Variants in RO60 observed in about 807,000 individuals in gnomAD.
RO60 encodes the protein Ro60, Y RNA binding protein.
A neutral mutation model predicts 55.3 loss-of-function variants in RO60; 20 were observed. That is an observed-to-expected ratio of 0.36 (90% CI 0.25 to 0.53). The LOEUF is 0.53. RO60 is among the 20% of genes least tolerant of loss of function. RO60 has a pLI of 0.92. For synonymous variants in RO60, 213 were observed against 213.6 expected (o/e 1.00, Z 0.02); for missense variants, 558 against 646.6 (o/e 0.86, Z 1.49).
At chr1:193,080,389 A>ACC (rs1674228333) in intron 5 of RO60, among the ~76,000 whole-genome samples, 1 of 152,216 alleles carries the variant, frequency 6.6e-6, no homozygotes, top group Non-Finnish European at 1.5e-5. Context: ...GAATTACCAT[A>ACC]CCATCCAGCA....
chr1:193,060,881 A>T (rs568524783), intron 1 of RO60, among the ~76,000 whole-genome samples: 17 of 152,290 alleles, frequency 1.1e-4, no homozygotes, highest in African/African-American at 1.7e-4. Context: ...TTGGCATCAG[A>T]GCCCAAAGTA....
In RO60 at chr1:193,069,596, A is replaced by C; in HGVS notation, c.542A>C (p.Asp181Ala). 6.2e-7 allele frequency: 1 copy of C among 1,613,914 alleles called. No homozygotes were observed. Among genetic ancestry groups the C allele is most frequent in the Non-Finnish European group, 8.5e-7 (1 of 1,179,826 alleles). ...CAGAGAAATGGCTGGTCTCACAAAG[A>C]TCTATTAAGATTGTCACATCTTAAA... ...YKQRNGWSHK[D>A]LLRLSHLKPS... The change falls in exon 2 of 9, where the codon GAT (aspartate) becomes GCT (alanine). Residue 181 changes from aspartate (D) to alanine (A), a missense_variant. Transcript: ENST00000400968.
intron 6 of RO60, 94 bp from the exon 7 acceptor site, chr1:193,082,092 A>G (rs1308793056): frequency 3.8e-6 from 3 of 787,750 alleles, no homozygotes; most frequent in Non-Finnish European, 6.7e-6. Flanking sequence ...AGAAATAAAC[A>G]TCAGTGTTTC....
intron 2 of RO60, among the ~76,000 whole-genome samples, chr1:193,071,404 G>C (rs1276695994): frequency 6.6e-6 from 1 of 152,072 alleles, no homozygotes; most frequent in Non-Finnish European, 1.5e-5. Context: ...GTATATTATT[G>C]CTATTGCTAT....
In RO60 at chr1:193,087,813, A is replaced by C. The variant is rs1674681448; in HGVS notation, c.*3082A>C. On this transcript the variant is annotated 3_prime_UTR_variant, in exon 9 of 9. Coordinates refer to ENST00000400968, the MANE Select transcript of RO60 (RefSeq NM_001173524.2). The stretch of plus-strand genomic sequence containing the variant: ...CGTATTTCAAAAGATAAAATGTTTT[A>C]GAAAAATAGCTCACTCAATAGGCCT... 1 of 152,048 alleles carries C rather than the reference A, an allele frequency of 6.6e-6. No individual in the cohort carries two copies. Among genetic ancestry groups the C allele is most frequent in the African/African-American group, 2.4e-5 (1 of 41,394 alleles). The allele number at this position is 152,048 out of a possible 1,614,324, so 9.4% of individuals were successfully genotyped here. A position where few individuals can be genotyped will look rare whatever the true frequency, so the allele number is the denominator to read the frequency against.
chr1:193,071,938 CTTAG>C (rs1287455752), intron 2 of RO60, among the ~76,000 whole-genome samples: 1 of 151,146 alleles, frequency 6.6e-6, no homozygotes, highest in African/African-American at 2.4e-5. Flanking sequence ...CTTTTGTCCA[CTTAG>C]TTACTGTCTT....
chr1:193,084,281 C>G (rs1004745423), intron 8 of RO60, among the ~76,000 whole-genome samples: 2 of 152,184 alleles, frequency 1.3e-5, no homozygotes, highest in Non-Finnish European at 2.9e-5. Context: ...CCCTTAATAA[C>G]CTGACAGGTT....
rs1261428976 is a variant in RO60, at chr1:193,081,394, C to A, written c.1117C>A (p.Leu373Ile). ...TGAACCAACTGGAAAACGTTTCTTACTAGCTGTTGATGTCAGTGCTTCTAT... is the reference window on the plus strand; with the variant it reads ...TGAACCAACTGGAAAACGTTTCTTAATAGCTGTTGATGTCAGTGCTTCTAT... ...TVEPTGKRFL[L>I]AVDVSASMNQ... Residue 373 changes from leucine to isoleucine, a missense_variant, in exon 6 of 9, where the codon CTA becomes ATA. Physicochemically the swap from Leu to Ile is conservative, Grantham distance 5 (BLOSUM62 2). Transcript: ENST00000400968. 8 of 1,607,468 alleles carry A rather than the reference C, an allele frequency of 5.0e-6. No individual in the cohort carries two copies. The highest frequency in any genetic ancestry group is 2.2e-5 in the South Asian group (2 of 90,112).
In RO60 at chr1:193,088,799, G is replaced by A. The variant is rs1023603925; in HGVS notation, c.*4068G>A. 5.3e-5 allele frequency: 8 copies of A among 152,166 alleles called. No individual in the cohort carries two copies. The highest frequency in any genetic ancestry group is 1.4e-4 in the African/African-American group (6 of 41,524). The allele number at this position is 152,166 out of a possible 1,614,324, so 9.4% of individuals were successfully genotyped here. Reference sequence around the variant, plus strand: ...ATGAAATTAGTTGTATTTACTGTTTGGATTTTATTTAGTGTTTCCTTGATG... The same window carrying A: ...ATGAAATTAGTTGTATTTACTGTTTAGATTTTATTTAGTGTTTCCTTGATG... On this transcript the variant is annotated 3_prime_UTR_variant, in exon 9 of 9. Transcript: ENST00000400968.
chr1:193,072,430 TTGTC>T (rs1030709985), intron 2 of RO60, among the ~76,000 whole-genome samples: 4 of 151,818 alleles, frequency 2.6e-5, no homozygotes, highest in South Asian at 2.1e-4. Flanking sequence ...TTTTTTTTCT[TTGTC>T]TTTTTTTTTT....
At chr1:193,062,210 T>C (rs1672829176) in intron 1 of RO60, among the ~76,000 whole-genome samples, 1 of 152,196 alleles carries the variant, frequency 6.6e-6, no homozygotes, top group African/African-American at 2.4e-5. Context: ...GATGACCAGG[T>C]TCTGACCTCA....
At position 193,075,847 on chromosome 1, in the gene RO60, C is replaced by A. The variant is rs1325491989; in HGVS notation, c.608C>A (p.Thr203Lys). The change falls in exon 3 of 9, where the codon ACA (threonine) becomes AAA (lysine). Residue 203 changes from threonine to lysine, a missense_variant. Thr to Lys is a moderately conservative substitution (Grantham distance 78). Transcript: ENST00000400968. The stretch of plus-strand genomic sequence containing the variant: ...CTTGCAATTGTGACCAAATATATTA[C>A]AAAGGGCTGGAAAGAAGTTCATGAA... The part of the protein sequence containing the change: ...EGLAIVTKYI[T>K]KGWKEVHELY... The A allele has an allele frequency of 1.2e-6, 2 of 1,607,562 alleles. No individual in the cohort carries two copies. Among genetic ancestry groups the A allele is most frequent in the South Asian group, 2.2e-5 (2 of 89,732 alleles).
At chr1:193,081,527 G>T in intron 6 of RO60, 47 bp downstream of exon 6, 1 of 1,036,920 alleles carries the variant, frequency 9.6e-7, no homozygotes, top group Non-Finnish European at 1.5e-6. Flanking sequence ...CATGTTTACT[G>T]TAGAGCAAAA....
At chr1:193,075,649 A>G (rs1361596674) in intron 2 of RO60, among the ~76,000 whole-genome samples, 171 bp from the exon 3 acceptor site, 2 of 152,142 alleles carry the variant, frequency 1.3e-5, no homozygotes, top group African/African-American at 4.8e-5. Flanking sequence ...TAAGAAAATT[A>G]ATTCACCCCA....
chr1:193,078,873 A>G (rs965438519), intron 5 of RO60, among the ~76,000 whole-genome samples: 1 of 151,510 alleles, frequency 6.6e-6, no homozygotes, highest in Non-Finnish European at 1.5e-5. Flanking sequence ...AGAAAAACCC[A>G]TTCTAAAATT....
Position 193,069,598 on chromosome 1 carries a change from CTATTAAGATTGTCACATCTTA to C in RO60, c.545_565del (p.Leu182_Lys189delinsGln), listed in dbSNP as rs1558238469. The C allele has an allele frequency of 6.2e-7, 1 of 1,613,822 alleles. No individual in the cohort carries two copies. Among genetic ancestry groups the C allele is most frequent in the Non-Finnish European group, 8.5e-7 (1 of 1,179,808 alleles). On this transcript the variant is annotated inframe_deletion, in exon 2 of 9. Coordinates refer to ENST00000400968, the MANE Select transcript of RO60 (RefSeq NM_001173524.2). ...GAGAAATGGCTGGTCTCACAAAGAT[CTATTAAGATTGTCACATCTTA>C]AACCTTCCAGTGAAGGTAAGCATAA...
chr1:193,074,249 C>A (rs908880493), intron 2 of RO60, among the ~76,000 whole-genome samples: 1 of 152,096 alleles, frequency 6.6e-6, no homozygotes, highest in Admixed American at 6.6e-5. Flanking sequence ...TGGGTATATA[C>A]CCCGTAATGG....
At chr1:193,077,378 TG>T (rs1013642635) in intron 5 of RO60, among the ~76,000 whole-genome samples, 1 of 152,202 alleles carries the variant, frequency 6.6e-6, no homozygotes, top group African/African-American at 2.4e-5. Context: ...AATCGGCTCA[TG>T]GTTCCACAGG....
At position 193,069,346 on chromosome 1, in the gene RO60, A is replaced by G; in HGVS notation, c.292A>G (p.Ile98Val). 1 of 1,614,246 alleles carries G rather than the reference A, an allele frequency of 6.2e-7. No individual in the cohort carries two copies. The highest frequency in any genetic ancestry group is 1.1e-5 in the South Asian group (1 of 91,086). Residue 98 changes from isoleucine (I) to valine (V), a missense_variant, in exon 2 of 9, where the codon ATT becomes GTT. By Grantham distance (29) the Ile-to-Val change is conservative (BLOSUM62 3). Coordinates refer to ENST00000400968, the MANE Select transcript of RO60 (RefSeq NM_001173524.2). ...KQEPMLFALA[I>V]CSQCSDISTK... ...AGAGCCTATGCTCTTTGCACTTGCC[A>G]TTTGTTCCCAGTGCTCCGACATAAG...
Sources: allele counts gnomAD v4.1 joint callset (sites outside exome capture counted in the v4.1 genomes callset), GRCh38; gene constraint gnomAD v4.1.1; transcripts MANE v1.5; gene names NCBI Gene and HGNC (gene_info 2026-07-23, HGNC 2026-07-21).